Variants in RASGEF1C observed in about 807,000 individuals in gnomAD.
The protein encoded by RASGEF1C is ras-GEF domain-containing family member 1C.
A neutral mutation model predicts 58.1 loss-of-function variants in RASGEF1C; 27 were observed. The observed-to-expected ratio is 0.46, with a 90% CI of 0.34 to 0.64. The LOEUF is 0.64. Among genes scored for constraint, RASGEF1C ranks in the 30% least tolerant of loss-of-function variants. The pLI is 0.01. For synonymous variants in RASGEF1C, 243 were observed against 246.3 expected (o/e 0.99, Z 0.13); for missense variants, 502 against 605.1 (o/e 0.83, Z 1.79).
chr5:180,103,316 A>T (rs1765827664), intron 12 of RASGEF1C, among the ~76,000 whole-genome samples: 1 of 152,138 alleles, frequency 6.6e-6, no homozygotes, highest in Non-Finnish European at 1.5e-5. Flanking sequence ...TGACCTTGTG[A>T]TCCGCCCGCC....
chr5:180,124,611 G>A (rs1766226077), intron 6 of RASGEF1C, among the ~76,000 whole-genome samples: 1 of 152,084 alleles, frequency 6.6e-6, no homozygotes, highest in African/African-American at 2.4e-5. Context: ...GATCACTTGA[G>A]GTCGGGAGTT....
chr5:180,191,175 C>T (rs985818436), intron 1 of RASGEF1C, among the ~76,000 whole-genome samples: 4 of 152,118 alleles, frequency 2.6e-5, no homozygotes, highest in African/African-American at 9.7e-5. Flanking sequence ...ACTGGAATTG[C>T]CATACGCTGC....
At position 180,101,281 on chromosome 5, in the gene RASGEF1C, C is replaced by T. The variant is rs1312121516; in HGVS notation, c.*220G>A. ...GTCCCCAAGGCATGTGCCGCCCGCA[C>T]GTCTGGAGGCCCTGGGTCCTGCCAG... is the stretch of plus-strand genomic sequence containing the variant. On this transcript the variant is annotated 3_prime_UTR_variant, in exon 14 of 14. Coordinates refer to ENST00000361132, the MANE Select transcript of RASGEF1C (RefSeq NM_175062.4). The T allele has an allele frequency of 5.9e-5, 35 of 588,848 alleles. No individual in the cohort carries two copies. The highest frequency in any genetic ancestry group is 1.5e-4 in the South Asian group (7 of 47,910). 36.5% of individuals were successfully genotyped at this position (588,848 alleles called of 1,614,324 possible). A position where few individuals can be genotyped will look rare whatever the true frequency, so the allele number is the denominator to read the frequency against.
At chr5:180,123,496 A>G (rs1472155146) in intron 6 of RASGEF1C, among the ~76,000 whole-genome samples, 1 of 152,266 alleles carries the variant, frequency 6.6e-6, no homozygotes, top group Non-Finnish European at 1.5e-5. Flanking sequence ...TGTTTCAAAG[A>G]TGAAATCATA....
chr5:180,180,207 C>G (rs1767302450), intron 1 of RASGEF1C, among the ~76,000 whole-genome samples: 1 of 152,208 alleles, frequency 6.6e-6, no homozygotes, highest in South Asian at 2.1e-4. Flanking sequence ...GAGGTAATAA[C>G]AAGTAGAAGC....
chr5:180,117,803 G>T (rs769905235), intron 10 of RASGEF1C, among the ~76,000 whole-genome samples: 7 of 152,086 alleles, frequency 4.6e-5, no homozygotes, highest in Non-Finnish European at 1.0e-4. Flanking sequence ...AGACCATCCT[G>T]GCCAATATGG....
intron 1 of RASGEF1C, among the ~76,000 whole-genome samples, chr5:180,195,204 C>T (rs62406974): frequency 0.11 from 16,373 of 152,118 alleles, 1,049 homozygotes; most frequent in East Asian, 0.16. Context: ...CTCCCGCCAG[C>T]GTCCCTGGAG....
At chr5:180,116,068 C>G (rs1766061257) in intron 10 of RASGEF1C, among the ~76,000 whole-genome samples, 1 of 152,116 alleles carries the variant, frequency 6.6e-6, no homozygotes, top group Non-Finnish European at 1.5e-5. Context: ...GAGGCAGTGG[C>G]ATTGAGCTGG....
chr5:180,185,988 C>T (rs1756028608), intron 1 of RASGEF1C, among the ~76,000 whole-genome samples: 1 of 150,540 alleles, frequency 6.6e-6, no homozygotes, highest in African/African-American at 2.4e-5. Flanking sequence ...GTGCCAGCTA[C>T]TTGGGAAGCT....
chr5:180,208,501 C>T (rs1462610517), intron 1 of RASGEF1C, among the ~76,000 whole-genome samples: 2 of 152,198 alleles, frequency 1.3e-5, no homozygotes, highest in African/African-American at 4.8e-5. Context: ...CCAGGACTCC[C>T]AGCAGACCCC....
rs1393309199 is a variant in RASGEF1C, at chr5:180,158,037, G to T, written c.-6-19979C>A. Among the ~76,000 whole-genome samples, 1 of 152,222 alleles carries T rather than the reference G, an allele frequency of 6.6e-6. No individual in the cohort carries two copies. Among genetic ancestry groups the T allele is most frequent in the Non-Finnish European group, 1.5e-5 (1 of 68,044 alleles). ...CTGGTGGGTGACGTCGATAATGGGG[G>T]AGGCTCTGCATGTGTGGAGGCAGGG... On this transcript the variant is annotated intron_variant, in intron 1 of 13. Transcript: ENST00000361132. The surrounding 1 kb of genome is among the most constrained non-coding windows in gnomAD (Gnocchi z 4.0).
intron 1 of RASGEF1C, among the ~76,000 whole-genome samples, chr5:180,179,357 G>C (rs948452840): frequency 3.3e-5 from 5 of 152,158 alleles, no homozygotes; most frequent in African/African-American, 1.2e-4. Flanking sequence ...AGGGACAGGA[G>C]GGGGCTTGGA....
intron 11 of RASGEF1C, among the ~76,000 whole-genome samples, chr5:180,113,363 C>CG (rs1166592691): frequency 1.2e-4 from 1 of 8,108 alleles, no homozygotes. Context: ...CTGAGGGATC[C>CG]GGGATGGACG....
At chr5:180,145,925 T>C (rs983952441) in intron 1 of RASGEF1C, among the ~76,000 whole-genome samples, 1 of 152,216 alleles carries the variant, frequency 6.6e-6, no homozygotes, top group Non-Finnish European at 1.5e-5. Flanking sequence ...TTTTAGGAGT[T>C]TGTTAGATAG....
intron 4 of RASGEF1C, chr5:180,135,079 C>T (rs1307738044): frequency 6.9e-6 from 1 of 143,976 alleles, no homozygotes; most frequent in African/African-American, 2.6e-5. Flanking sequence ...GTTCCCTGGC[C>T]CTGTTCTGTG....
Position 180,156,489 on chromosome 5 carries a change from G to GA in RASGEF1C, c.-6-18432_-6-18431insT, listed in dbSNP as rs1766853879. ...AACTGTTATCGAAAATATATAAAGG[G>GA]CCAGGCATGGTGGCTCACACCTGTA... is the stretch of plus-strand genomic sequence containing the variant. On this transcript the variant is annotated intron_variant, in intron 1 of 13. Transcript: ENST00000361132. This position sits in a 1 kb window ranked among gnomAD's most constrained non-coding sequence, Gnocchi z 4.9. Among the ~76,000 whole-genome samples the GA allele has an allele frequency of 6.6e-6, 1 of 152,204 alleles. No individual in the cohort carries two copies. The highest frequency in any genetic ancestry group is 6.6e-5 in the Admixed American group (1 of 15,266).
Position 180,198,809 on chromosome 5 carries a change from C to G in RASGEF1C, c.-7+10219G>C, listed in dbSNP as rs529161587. Among the ~76,000 whole-genome samples the G allele has an allele frequency of 2.8e-4, 43 of 152,188 alleles. No individual in the cohort carries two copies. The highest frequency in any genetic ancestry group is 5.7e-4 in the Non-Finnish European group (39 of 68,024). ...TCCATGACCTGGGCACCTTCTGCTG[C>G]TTCTGGGATCCTTTAGGGGGTCCTG... On this transcript the variant is annotated intron_variant, in intron 1 of 13. Coordinates refer to ENST00000361132, the MANE Select transcript of RASGEF1C (RefSeq NM_175062.4). This position sits in a 1 kb window ranked among gnomAD's most constrained non-coding sequence, Gnocchi z 4.5.
chr5:180,202,353 G>C (rs1756408946), intron 1 of RASGEF1C, among the ~76,000 whole-genome samples: 1 of 151,984 alleles, frequency 6.6e-6, no homozygotes, highest in Non-Finnish European at 1.5e-5. Context: ...TATAATCTAA[G>C]AAAATGTTTT....
At chr5:180,123,227 C>CA (rs1318514081) in intron 6 of RASGEF1C, among the ~76,000 whole-genome samples, 2 of 152,054 alleles carry the variant, frequency 1.3e-5, no homozygotes, top group Non-Finnish European at 2.9e-5. Flanking sequence ...TATATGGAGG[C>CA]AAAAACAATC....
Sources: gnomAD v4.1 joint callset for allele counts (sites outside exome capture counted in the v4.1 genomes callset) on GRCh38, gnomAD v4.1.1 for gene constraint, Gnocchi (gnomAD v3.1) non-coding constraint, MANE v1.5 for transcripts, NCBI Gene and HGNC (gene_info 2026-07-23, HGNC 2026-07-21) for gene names.